AK7: variants seen among roughly 807,000 people sequenced by gnomAD.
AK7 encodes the protein adenylate kinase 7, also known as ATP-AMP transphosphorylase 7.
Under a neutral mutation model 96.6 loss-of-function variants are expected in AK7, and 78 were observed. The ratio of observed to expected loss-of-function variants is 0.81; its 90% CI spans 0.67 to 0.97. The LOEUF (loss-of-function observed/expected upper bound fraction) is 0.97. Ranked by LOEUF, AK7 falls within the 50% of genes least tolerant of loss-of-function variation. The pLI is 0.00. For missense variants in AK7, 855 were observed against 887.9 expected (o/e 0.96, Z 0.47); for synonymous variants, 302 against 317.2 (o/e 0.95, Z 0.51).
chr14:96,488,005 C>T (rs573695425), intron 17 of AK7: 17 of 405,960 alleles, frequency 4.2e-5, no homozygotes, highest in Admixed American at 1.8e-4. Flanking sequence ...CTCCACCTCC[C>T]GGGTTCAAGT....
intron 8 of AK7, 138 bp downstream of exon 8, chr14:96,446,745 A>G: frequency 1.6e-6 from 1 of 629,812 alleles, no homozygotes; most frequent in Non-Finnish European, 2.8e-6. Flanking sequence ...GCTCAAGACC[A>G]GCCTGACCAA....
chr14:96,482,950 G>A, intron 15 of AK7, 49 bp from the exon 16 acceptor site: 1 of 1,572,068 alleles, frequency 6.4e-7, no homozygotes, highest in South Asian at 1.1e-5. Context: ...CCAATTGCAG[G>A]CAGGCCTAGA....
At chr14:96,456,587 C>A in intron 11 of AK7, 112 bp downstream of exon 11, 3 of 1,311,700 alleles carry the variant, frequency 2.3e-6, no homozygotes, top group African/African-American at 1.5e-5. Context: ...TAGATGATCC[C>A]AATTTTGTTG....
intron 12 of AK7, among the ~76,000 whole-genome samples, chr14:96,465,191 G>A (rs778949306): frequency 4.6e-5 from 7 of 152,210 alleles, no homozygotes; most frequent in African/African-American, 1.2e-4. Context: ...AACGGGTGCC[G>A]TGGCTCACGC....
chr14:96,471,252 G>A (rs1263606124), intron 12 of AK7, among the ~76,000 whole-genome samples: 2 of 150,468 alleles, frequency 1.3e-5, no homozygotes, highest in African/African-American at 4.9e-5. Context: ...AGATTGCAGA[G>A]CCTGGGAGGC....
chr14:96,398,355 C>A, intron 2 of AK7, 92 bp downstream of exon 2: 1 of 1,353,672 alleles, frequency 7.4e-7, no homozygotes, highest in Non-Finnish European at 1.0e-6. Flanking sequence ...GTTTGCCTCC[C>A]CTCCCCTCTC....
intron 15 of AK7, among the ~76,000 whole-genome samples, chr14:96,481,171 G>A (rs554139790): frequency 3.3e-5 from 5 of 152,086 alleles, no homozygotes; most frequent in Non-Finnish European, 7.4e-5. Flanking sequence ...GTCACAGTTC[G>A]GGCTGAGGTG....
intron 12 of AK7, among the ~76,000 whole-genome samples, chr14:96,463,811 A>G (rs1202298084): frequency 1.3e-5 from 2 of 151,996 alleles, no homozygotes; most frequent in Non-Finnish European, 2.9e-5. Flanking sequence ...TAACACAATG[A>G]TAACCAAGAG....
chr14:96,418,258 A>C (rs1413880036), intron 4 of AK7, among the ~76,000 whole-genome samples: 1 of 138,998 alleles, frequency 7.2e-6, no homozygotes, highest in Admixed American at 8.0e-5. Flanking sequence ...CAGGAGGTTG[A>C]GGCTGCAGTG....
At chr14:96,463,860 C>A (rs1427431997) in intron 12 of AK7, among the ~76,000 whole-genome samples, 1 of 151,898 alleles carries the variant, frequency 6.6e-6, no homozygotes, top group African/African-American at 2.4e-5. Context: ...TAAAAACTTA[C>A]ACAAAGTACA....
At chr14:96,474,480 G>A (rs1895069692) in intron 14 of AK7, among the ~76,000 whole-genome samples, 1 of 148,962 alleles carries the variant, frequency 6.7e-6, no homozygotes, top group Non-Finnish European at 1.5e-5. Flanking sequence ...AAAAAAATTA[G>A]CTGGGGGTGG....
chr14:96,458,170 G>A lies in AK7; in HGVS notation c.1315G>A (p.Glu439Lys). The A allele has an allele frequency of 6.2e-7, 1 of 1,614,086 alleles. No homozygotes were observed. The highest frequency in any genetic ancestry group is 8.5e-7 in the Non-Finnish European group (1 of 1,179,978). ...EEEENVEDAQELLDGIKESME... is the reference protein window; with the variant it reads ...EEEENVEDAQKLLDGIKESME... Reference sequence around the variant, plus strand: ...GGAGGAGAATGTGGAAGATGCACAGGAGCTCCTAGATGGCATCAAGGAGAG... The same window carrying A: ...GGAGGAGAATGTGGAAGATGCACAGAAGCTCCTAGATGGCATCAAGGAGAG... The change falls in exon 12 of 18, where the codon GAG (glutamate) becomes AAG (lysine). Residue 439 changes from glutamate (E) to lysine (K), a missense_variant. Physicochemically the swap from Glu to Lys is moderately conservative, Grantham distance 56 (BLOSUM62 1). Coordinates refer to ENST00000267584, the MANE Select transcript of AK7 (RefSeq NM_152327.5).
Position 96,480,603 on chromosome 14 carries a change from A to G in AK7, c.1753+1941A>G, listed in dbSNP as rs568986744. Among the ~76,000 whole-genome samples, 72 of 152,308 alleles carry G rather than the reference A, an allele frequency of 4.7e-4. 1 individual carries two copies. The South Asian group carries it at 0.014, about 30-fold the overall frequency. ...CCTCCTAATATGGAAATTAGTTTAC[A>G]TTATTTAGAGAACTAGGAAAGAATG... On this transcript the variant is annotated intron_variant, in intron 15 of 17. Transcript: ENST00000267584.
chr14:96,429,486 C>T (rs1035304434), intron 5 of AK7, among the ~76,000 whole-genome samples: 1 of 152,010 alleles, frequency 6.6e-6, no homozygotes, highest in Non-Finnish European at 1.5e-5. Context: ...TATTTTTTTC[C>T]AATTCTGTGA....
chr14:96,464,351 C>T (rs535053779), intron 12 of AK7, among the ~76,000 whole-genome samples: 1 of 151,648 alleles, frequency 6.6e-6, no homozygotes, highest in Admixed American at 6.6e-5. Flanking sequence ...AATTCCAGAC[C>T]AGCCTGGGCA....
intron 14 of AK7, among the ~76,000 whole-genome samples, chr14:96,478,118 T>C (rs1179834335): frequency 1.3e-5 from 2 of 150,422 alleles, no homozygotes; most frequent in African/African-American, 4.9e-5. Flanking sequence ...TGAGATTTGC[T>C]ACTTATGATT....
chr14:96,397,437 C>T (rs1021139633), intron 1 of AK7, among the ~76,000 whole-genome samples: 4 of 152,152 alleles, frequency 2.6e-5, no homozygotes, highest in East Asian at 1.9e-4. Flanking sequence ...TTAGTAGAGA[C>T]GAGGTTTCAC....
At chr14:96,465,632 A>G (rs1432239997) in intron 12 of AK7, among the ~76,000 whole-genome samples, 1 of 152,222 alleles carries the variant, frequency 6.6e-6, no homozygotes, top group African/African-American at 2.4e-5. Context: ...GTCAGAGTTC[A>G]GATTATTTTA....
rs931327517 is a variant in AK7, at chr14:96,472,596, T to C, written c.1487-91T>C. 6.6e-6 allele frequency: 6 copies of C among 909,164 alleles called. No homozygotes were observed. The African/African-American group carries it at 1.0e-4, about 15-fold the overall frequency. 56.3% of individuals were successfully genotyped at this position (909,164 alleles called of 1,614,324 possible). ...GCTATTTATGGCTAGTTTTCATTAG[T>C]GCTTGCTACTTAAGATATTTGGAAT... On this transcript the variant is annotated intron_variant, in intron 13 of 17. Transcript: ENST00000267584.
Sources: gnomAD v4.1 joint callset for allele counts (sites outside exome capture counted in the v4.1 genomes callset) on GRCh38, gnomAD v4.1.1 for gene constraint, MANE v1.5 for transcripts, NCBI Gene and HGNC (gene_info 2026-07-23, HGNC 2026-07-21) for gene names.